RORA: variants seen among roughly 807,000 people sequenced by gnomAD.
RORA encodes the protein nuclear receptor ROR-alpha.
In RORA, 7 loss-of-function variants were observed where a neutral mutation model predicts 69.5. That is an observed-to-expected ratio of 0.10 (90% CI 0.06 to 0.19). The LOEUF is 0.19. RORA is among the 10% of genes least tolerant of loss of function. RORA has a pLI of 1.00. For synonymous variants in RORA, 261 were observed against 240.8 expected (o/e 1.08, Z -0.78); for missense variants, 457 against 663.0 (o/e 0.69, Z 3.41).
rs183291367 is a variant in RORA, at chr15:61,225,307, G to A, written c.166+3746C>T. Among the ~76,000 whole-genome samples the A allele has an allele frequency of 2.6e-3, 394 of 152,182 alleles. 1 individual carries two copies. Among genetic ancestry groups the A allele is most frequent in the Non-Finnish European group, 4.4e-3 (297 of 68,008 alleles). On this transcript the variant is annotated intron_variant, in intron 1 of 10. Transcript: ENST00000335670. ...TGGGGCATCATTTGTTCACTGTGGC[G>A]AGCCGGGTCCATGTGAGGAAAGTTG...
chr15:60,563,620 C>A (rs1238223558), intron 2 of RORA, among the ~76,000 whole-genome samples: 1 of 152,196 alleles, frequency 6.6e-6, no homozygotes, highest in African/African-American at 2.4e-5. Context: ...TAAAACCAAA[C>A]TGAGACAGCA....
At chr15:61,163,994 TTAGA>T (rs1293456612) in intron 1 of RORA, among the ~76,000 whole-genome samples, 1 of 152,166 alleles carries the variant, frequency 6.6e-6, no homozygotes, top group African/African-American at 2.4e-5. Flanking sequence ...CAATAAACTG[TTAGA>T]TAGTTTAAAC....
chr15:60,798,621 A>G (rs889215286), intron 1 of RORA, among the ~76,000 whole-genome samples: 1 of 151,822 alleles, frequency 6.6e-6, no homozygotes, highest in Non-Finnish European at 1.5e-5. Context: ...AAAAAATGGC[A>G]CCATCCCAAG....
At chr15:60,809,685 TG>T (rs2072714201) in intron 1 of RORA, among the ~76,000 whole-genome samples, 2 of 152,140 alleles carry the variant, frequency 1.3e-5, no homozygotes, top group African/African-American at 4.8e-5. Context: ...CAGTTTTGGT[TG>T]GATCAATATT....
intron 1 of RORA, among the ~76,000 whole-genome samples, chr15:61,174,673 G>A (rs1367709994): frequency 2.6e-5 from 4 of 152,140 alleles, no homozygotes; most frequent in African/African-American, 4.8e-5. Flanking sequence ...AATGACTCCT[G>A]AGCCTGACTA....
chr15:61,195,140 A>C (rs1413662273), intron 1 of RORA, among the ~76,000 whole-genome samples: 3 of 152,230 alleles, frequency 2.0e-5, no homozygotes, highest in East Asian at 1.9e-4. Context: ...CTTTTTAAAA[A>C]ATGCATTCTG....
At chr15:61,125,566 C>T (rs1323234671) in intron 1 of RORA, among the ~76,000 whole-genome samples, 1 of 152,164 alleles carries the variant, frequency 6.6e-6, no homozygotes, top group Admixed American at 6.5e-5. Context: ...ATTATTTGAT[C>T]CCAAATATTC....
At chr15:60,782,597 T>C (rs2072279794) in intron 1 of RORA, among the ~76,000 whole-genome samples, 1 of 152,166 alleles carries the variant, frequency 6.6e-6, no homozygotes, top group Non-Finnish European at 1.5e-5. Context: ...CAGAAATCAG[T>C]TGAAGTTTTA....
intron 1 of RORA, among the ~76,000 whole-genome samples, chr15:60,938,424 T>C (rs148097918): frequency 6.6e-6 from 1 of 152,380 alleles, no homozygotes; most frequent in Non-Finnish European, 1.5e-5. Flanking sequence ...TCAAATATAG[T>C]ACCTGTGAAG....
At chr15:60,760,976 C>T (rs745696592) in intron 1 of RORA, among the ~76,000 whole-genome samples, 27 of 152,168 alleles carry the variant, frequency 1.8e-4, no homozygotes, top group African/African-American at 4.3e-4. Flanking sequence ...TTTTGTATGA[C>T]GCTGCCTAAT....
At chr15:60,690,741 C>G (rs1853153740) in intron 1 of RORA, among the ~76,000 whole-genome samples, 1 of 152,178 alleles carries the variant, frequency 6.6e-6, no homozygotes, top group Admixed American at 6.5e-5. Context: ...CAACTGTTTT[C>G]AAGTCAGCCA....
chr15:61,189,410 C>G (rs2079774923), intron 1 of RORA, among the ~76,000 whole-genome samples: 1 of 152,108 alleles, frequency 6.6e-6, no homozygotes, highest in Non-Finnish European at 1.5e-5. Flanking sequence ...AGGATCTTCT[C>G]CAGCCTGTCT....
At chr15:60,679,833 G>T (rs2070615534) in intron 1 of RORA, among the ~76,000 whole-genome samples, 1 of 152,116 alleles carries the variant, frequency 6.6e-6, no homozygotes, top group Admixed American at 6.5e-5. Context: ...ACTTTCCAAA[G>T]GACTTATTTA....
rs71122860 is a variant in RORA, at chr15:60,493,949, T to TCACA, written c.*3502_*3505dup. On this transcript the variant is annotated 3_prime_UTR_variant, in exon 11 of 11. Transcript: ENST00000335670. ...CGCACACACATCATACACATGCAAA[T>TCACA]CACACACACACACACACACACACAC... The TCACA allele has an allele frequency of 0.027, 3,947 of 144,010 alleles. 91 individuals carry two copies. The highest frequency in any genetic ancestry group is 0.059 in the African/African-American group (2,260 of 38,066). 8.9% of individuals were successfully genotyped at this position (144,010 alleles called of 1,614,324 possible). A position where few individuals can be genotyped will look rare whatever the true frequency, so the allele number is the denominator to read the frequency against.
At chr15:61,156,211 G>A (rs898078166) in intron 1 of RORA, among the ~76,000 whole-genome samples, 2 of 152,084 alleles carry the variant, frequency 1.3e-5, no homozygotes, top group African/African-American at 4.8e-5. Flanking sequence ...GAAAACAAGG[G>A]GGGAAAAGTT....
chr15:60,980,461 C>G (rs1015863347), intron 1 of RORA, among the ~76,000 whole-genome samples: 1 of 152,078 alleles, frequency 6.6e-6, no homozygotes, highest in Non-Finnish European at 1.5e-5. Flanking sequence ...TTGGTGCTAA[C>G]TTTTCTTTAA....
intron 1 of RORA, among the ~76,000 whole-genome samples, chr15:60,987,476 T>C (rs1894239932): frequency 6.6e-6 from 1 of 152,180 alleles, no homozygotes; most frequent in South Asian, 2.1e-4. Flanking sequence ...ATCATAAAAT[T>C]CTGGGTCATA....
In RORA at chr15:61,225,842, T is replaced by C. The variant is rs143297533; in HGVS notation, c.166+3211A>G. On this transcript the variant is annotated intron_variant, in intron 1 of 10. Coordinates refer to ENST00000335670, the MANE Select transcript of RORA (RefSeq NM_134261.3). ...ATTAAAGATTCGCTGTGGTTTTTTT[T>C]CCGCTTCATTCCTACTTCCCTTGTC... Among the ~76,000 whole-genome samples, 74 of 152,324 alleles carry C rather than the reference T, an allele frequency of 4.9e-4. 1 individual carries two copies. In the East Asian group the frequency reaches 0.013, roughly 27 times the overall value.
intron 1 of RORA, among the ~76,000 whole-genome samples, chr15:60,715,567 C>T (rs950347070): frequency 6.6e-6 from 1 of 152,162 alleles, no homozygotes; most frequent in Non-Finnish European, 1.5e-5. Context: ...GGTTTGCATT[C>T]ACAAAAATTG....
Sources: allele counts gnomAD v4.1 joint callset (sites outside exome capture counted in the v4.1 genomes callset), GRCh38; gene constraint gnomAD v4.1.1; transcripts MANE v1.5; gene names NCBI Gene and HGNC (gene_info 2026-07-23, HGNC 2026-07-21).